LAMA1: variants seen among roughly 807,000 people sequenced by gnomAD.
The protein encoded by LAMA1 is laminin subunit alpha-1.
Under a neutral mutation model 348.7 loss-of-function variants are expected in LAMA1, and 219 were observed. The observed-to-expected ratio is 0.63, with a 90% CI of 0.56 to 0.70. The LOEUF is 0.70. Among genes scored for constraint, LAMA1 ranks in the 30% least tolerant of loss-of-function variants. LAMA1 has a pLI of 0.00. For missense variants in LAMA1, 3,744 were observed against 3,888.0 expected (o/e 0.96, Z 0.99); for synonymous variants, 1,487 against 1,491.0 (o/e 1.00, Z 0.06).
In LAMA1 at chr18:6,990,543, A is replaced by G. The variant is rs139786908; in HGVS notation, c.5168+2018T>C. Among the ~76,000 whole-genome samples the G allele has an allele frequency of 7.2e-4, 110 of 152,308 alleles. 1 individual carries two copies. The highest frequency in any genetic ancestry group is 2.5e-3 in the African/African-American group (103 of 41,580). ...CTGGTTGGAGCTGCCCGAGAAGAGC[A>G]CAGCTGAAGCCTCAGTGTGCAGTCG... is the stretch of plus-strand genomic sequence containing the variant. On this transcript the variant is annotated intron_variant, in intron 36 of 62. Transcript: ENST00000389658.
At chr18:7,115,702 G>A (rs1331878964) in intron 1 of LAMA1, among the ~76,000 whole-genome samples, 2 of 150,702 alleles carry the variant, frequency 1.3e-5, no homozygotes, top group Non-Finnish European at 3.0e-5. Flanking sequence ...CGGGCGCGGC[G>A]GCTCACGCCT....
At chr18:7,036,390 TTACTTC>T (rs1423573436) in intron 12 of LAMA1, among the ~76,000 whole-genome samples, 1 of 152,248 alleles carries the variant, frequency 6.6e-6, no homozygotes, top group East Asian at 1.9e-4. Context: ...CAATAGATAT[TTACTTC>T]GGTTAAGTAA....
rs2057500458 is a variant in LAMA1, at chr18:6,942,024, T to C, written c.*55A>G. 1.9e-6 allele frequency: 3 copies of C among 1,598,372 alleles called. No homozygotes were observed. The highest frequency in any genetic ancestry group is 3.3e-5 in the Admixed American group (2 of 59,988). On this transcript the variant is annotated 3_prime_UTR_variant, in exon 63 of 63. Transcript: ENST00000389658. ...ACTGAAGAGATTCTTAATTCACACA[T>C]ACACTTCTCCTCAAAATATTAGCAA...
chr18:7,083,177 AT>A (rs2058200045), intron 1 of LAMA1, among the ~76,000 whole-genome samples: 1 of 144,434 alleles, frequency 6.9e-6, no homozygotes, highest in Admixed American at 7.3e-5. Flanking sequence ...GCTGTTCTAA[AT>A]ATATATATAT....
At chr18:7,082,211 T>C (rs2058195830) in intron 1 of LAMA1, among the ~76,000 whole-genome samples, 1 of 152,200 alleles carries the variant, frequency 6.6e-6, no homozygotes. Flanking sequence ...CCTCTCAAGA[T>C]AAAATAGTTA....
At chr18:7,055,792 G>A (rs1020895262) in intron 3 of LAMA1, among the ~76,000 whole-genome samples, 4 of 151,976 alleles carry the variant, frequency 2.6e-5, no homozygotes, top group Non-Finnish European at 5.9e-5. Context: ...CATTAGAAGC[G>A]AAATAAGGCC....
chr18:6,956,536 TC>T lies in LAMA1; in HGVS notation c.8094+99del, dbSNP rs769803038. ...CCAGCTCCAGCTCCAGCTCCAGCTT[TC>T]GCAGGCACCTTTACAGCAAGGCCCC... On this transcript the variant is annotated intron_variant, in intron 56 of 62. Transcript: ENST00000389658. 15 of 1,567,818 alleles carry T rather than the reference TC, an allele frequency of 9.6e-6. No individual in the cohort carries two copies. In the Admixed American group the frequency reaches 1.3e-4, roughly 14 times the overall value.
intron 59 of LAMA1, among the ~76,000 whole-genome samples, chr18:6,948,876 G>A (rs1191289910): frequency 2.6e-5 from 4 of 152,172 alleles, no homozygotes; most frequent in African/African-American, 9.7e-5. Context: ...CCACGTGGCT[G>A]CGGAAAGGGA....
intron 1 of LAMA1, among the ~76,000 whole-genome samples, chr18:7,088,195 A>G (rs2032457977): frequency 6.6e-6 from 1 of 152,164 alleles, no homozygotes; most frequent in African/African-American, 2.4e-5. Context: ...GCATGGCCTC[A>G]TAGCACGATT....
At chr18:6,977,580 G>A in intron 44 of LAMA1, 147 bp downstream of exon 44, 1 of 807,386 alleles carries the variant, frequency 1.2e-6, no homozygotes, top group Non-Finnish European at 1.9e-6. Flanking sequence ...ACCAAGACAG[G>A]GCTATGAGGA....
intron 1 of LAMA1, among the ~76,000 whole-genome samples, chr18:7,083,193 A>ATT (rs10685378): frequency 0.04 from 5,685 of 141,024 alleles, 377 homozygotes; most frequent in East Asian, 0.3. Context: ...ATATATATAC[A>ATT]TTTTTTTTTT....
chr18:7,042,408 C>T, intron 8 of LAMA1, 158 bp from the exon 9 acceptor site: 1 of 617,034 alleles, frequency 1.6e-6, no homozygotes, highest in Non-Finnish European at 3.0e-6. Context: ...ATAAGATGAT[C>T]CCAAGCCAGG....
intron 1 of LAMA1, 53 bp from the exon 2 acceptor site, chr18:7,080,510 A>C: frequency 6.3e-7 from 1 of 1,580,942 alleles, no homozygotes; most frequent in Non-Finnish European, 8.7e-7. Context: ...CCAAAGAATG[A>C]GCTTACCCCA....
intron 28 of LAMA1, among the ~76,000 whole-genome samples, chr18:7,007,913 T>TTTTATTTA (rs58519890): frequency 0.069 from 9,495 of 136,720 alleles, 376 homozygotes; most frequent in South Asian, 0.085. Flanking sequence ...ATTACTCCAC[T>TTTTATTTA]TTTATTTATT....
At chr18:6,994,790 T>C (rs2057774015) in intron 34 of LAMA1, among the ~76,000 whole-genome samples, 1 of 152,100 alleles carries the variant, frequency 6.6e-6, no homozygotes, top group Admixed American at 6.5e-5. Flanking sequence ...GGTCACTAAA[T>C]GCCATTCCTC....
rs144236117 is a variant in LAMA1 at position 7,026,098 on chromosome 18, C to A, written c.2283G>T (p.Ala761=). 2.2e-5 allele frequency: 36 copies of A among 1,610,696 alleles called. No homozygotes were observed. The African/African-American group carries it at 4.0e-4, about 18-fold the overall frequency. ...CNVHGVCIAC[A]HNTTGVHCEQ... is the part of the protein sequence containing the mutation. Reference sequence around the variant, plus strand: ...CACAGTGGACGCCGGTGGTGTTGTGCGCACACGCCTAGGAACATGCACCAG... The same window carrying A: ...CACAGTGGACGCCGGTGGTGTTGTGAGCACACGCCTAGGAACATGCACCAG... The change falls in exon 17 of 63, where the codon GCG becomes GCT. Residue 761 remains alanine (A), a synonymous_variant. Coordinates refer to ENST00000389658, the MANE Select transcript of LAMA1 (RefSeq NM_005559.4).
At chr18:6,976,942 T>C (rs2057685432) in intron 44 of LAMA1, among the ~76,000 whole-genome samples, 1 of 152,184 alleles carries the variant, frequency 6.6e-6, no homozygotes, top group Non-Finnish European at 1.5e-5. Flanking sequence ...CTGAAACAGA[T>C]GCAAGCCAGA....
chr18:6,998,746 C>A (rs1046738387), intron 32 of LAMA1, among the ~76,000 whole-genome samples: 1 of 152,134 alleles, frequency 6.6e-6, no homozygotes, highest in Non-Finnish European at 1.5e-5. Context: ...CAAAAGCCCA[C>A]GACAGGCCGG....
chr18:6,981,572 C>G (rs1301148525), intron 41 of LAMA1, among the ~76,000 whole-genome samples: 1 of 152,310 alleles, frequency 6.6e-6, no homozygotes, highest in South Asian at 2.1e-4. Flanking sequence ...ATTTCACTAC[C>G]TATGAAGTAC....
Sources: allele counts gnomAD v4.1 joint callset (sites outside exome capture counted in the v4.1 genomes callset), GRCh38; gene constraint gnomAD v4.1.1; transcripts MANE v1.5; gene names NCBI Gene and HGNC (gene_info 2026-07-23, HGNC 2026-07-21).